The following PCDH11X variants were observed in gnomAD, a reference collection of about 807,000 sequenced individuals.
PCDH11X encodes the protein protocadherin 11 X-linked.
PCDH11X carries 18 observed loss-of-function variants against 53.3 expected under a neutral mutation model. The ratio of observed to expected loss-of-function variants is 0.34; its 90% CI spans 0.23 to 0.50. The LOEUF (loss-of-function observed/expected upper bound fraction) is 0.50. Ranked by LOEUF, PCDH11X falls within the 20% of genes least tolerant of loss-of-function variation. The pLI, the probability that PCDH11X is intolerant of heterozygous loss-of-function variation, is 0.98. For synonymous variants in PCDH11X, 279 were observed against 393.3 expected (o/e 0.71, Z 3.44); for missense variants, 570 against 1,032.4 (o/e 0.55, Z 6.14).
At chrX:91,973,266 T>C (rs1395379360) in intron 6 of PCDH11X, among the ~76,000 whole-genome samples, 1 of 74,440 alleles carries the variant, frequency 1.3e-5, no homozygotes, top group Non-Finnish European at 2.4e-5. Context: ...GGAAGGGGAA[T>C]ATCACACTCT....
chrX:92,465,159 A>G (rs1426692704), intron 9 of PCDH11X, among the ~76,000 whole-genome samples: 6 of 111,589 alleles, frequency 5.4e-5, no homozygotes, highest in Admixed American at 3.8e-4. Flanking sequence ...AAAGAAACAA[A>G]AAAAGCCCAT....
chrX:92,410,005 G>A (rs1291276918), intron 9 of PCDH11X, among the ~76,000 whole-genome samples: 1 of 111,139 alleles, frequency 9.0e-6, no homozygotes, highest in East Asian at 2.8e-4. Context: ...GGCAAAAAAT[G>A]TAAACTAGAA....
At chrX:92,569,006 G>A (rs1473792534) in intron 10 of PCDH11X, among the ~76,000 whole-genome samples, 2 of 111,046 alleles carry the variant, frequency 1.8e-5, no homozygotes, top group Admixed American at 9.6e-5. Flanking sequence ...AACTTTGCTC[G>A]GGAATCTTCA....
At chrX:92,541,530 G>C (rs1429303225) in intron 10 of PCDH11X, among the ~76,000 whole-genome samples, 1 of 111,234 alleles carries the variant, frequency 9.0e-6, no homozygotes, top group African/African-American at 3.3e-5. Context: ...CTTGATTTTT[G>C]GTCCAGTGAT....
chrX:92,109,238 G>T (rs890236746), intron 6 of PCDH11X, among the ~76,000 whole-genome samples: 1 of 110,922 alleles, frequency 9.0e-6, no homozygotes, highest in Non-Finnish European at 1.9e-5. Context: ...GGGCGTGGTG[G>T]CAGGCGCCTG....
intron 1 of PCDH11X, among the ~76,000 whole-genome samples, chrX:91,783,469 T>G (rs1240510763): frequency 2.7e-5 from 3 of 111,961 alleles, no homozygotes; most frequent in Non-Finnish European, 3.8e-5. Context: ...CTCTTGGTAT[T>G]CAAAACTTTA....
intron 10 of PCDH11X, among the ~76,000 whole-genome samples, chrX:92,572,898 A>C: frequency 9.2e-6 from 1 of 108,793 alleles, no homozygotes; most frequent in Non-Finnish European, 1.9e-5. Context: ...ATAAATAAAT[A>C]AATAAATATG....
chrX:92,244,123 C>T (rs1310615135), intron 7 of PCDH11X, among the ~76,000 whole-genome samples: 1 of 109,580 alleles, frequency 9.1e-6, no homozygotes, highest in Non-Finnish European at 1.9e-5. Flanking sequence ...ATCCCATGAG[C>T]CTAAGATAGA....
chrX:92,187,987 A>G (rs1162436467), intron 6 of PCDH11X, among the ~76,000 whole-genome samples: 1 of 111,747 alleles, frequency 8.9e-6, no homozygotes, highest in East Asian at 2.8e-4. Context: ...ACATAAAGTT[A>G]TTGAGAAGAC....
chrX:92,568,866 A>G (rs956076982), intron 10 of PCDH11X, among the ~76,000 whole-genome samples: 24 of 111,205 alleles, frequency 2.2e-4, no homozygotes, highest in African/African-American at 7.5e-4. Flanking sequence ...ATTGTTATCA[A>G]TTTCTAAATT....
chrX:92,468,055 A>G (rs200742761), intron 9 of PCDH11X: 2 of 132,295 alleles, frequency 1.5e-5, no homozygotes, highest in East Asian at 2.8e-4. Context: ...AGCACCAATC[A>G]TTACTTCCCA....
intron 6 of PCDH11X, among the ~76,000 whole-genome samples, chrX:92,021,245 C>A (rs1315575768): frequency 9.0e-6 from 1 of 111,102 alleles, no homozygotes; most frequent in Admixed American, 9.6e-5. Flanking sequence ...CATTTTCTAA[C>A]CCAGTGCAAA....
At chrX:92,255,769 C>G (rs906595228) in intron 7 of PCDH11X, among the ~76,000 whole-genome samples, 1 of 112,533 alleles carries the variant, frequency 8.9e-6, no homozygotes, top group Non-Finnish European at 1.9e-5. Flanking sequence ...CAGGGACCCA[C>G]TTGAGGAGGC....
chrX:92,244,662 C>T (rs2067315740), intron 7 of PCDH11X, among the ~76,000 whole-genome samples: 1 of 111,662 alleles, frequency 9.0e-6, no homozygotes, highest in Admixed American at 9.6e-5. Context: ...GTTTCTTATA[C>T]TCACTATTGT....
chrX:92,418,574 G>A lies in PCDH11X; in HGVS notation c.3343+30641G>A, dbSNP rs755811141. Among the ~76,000 whole-genome samples the A allele has an allele frequency of 9.3e-5, 10 of 107,149 alleles. No individual in the cohort carries two copies. The South Asian group carries it at 2.5e-3, about 27-fold the overall frequency. 93.0% of individuals were successfully genotyped at this position (107,149 alleles called of 115,157 possible). On this transcript the variant is annotated intron_variant, in intron 9 of 10. Coordinates refer to ENST00000682573, the MANE Select transcript of PCDH11X (RefSeq NM_032968.5). ...TTCATATTGTTTTCATTATTTTTCTGTTTTAAATTTTATTGATTTATGTTT... is the reference window on the plus strand; with the variant it reads ...TTCATATTGTTTTCATTATTTTTCTATTTTAAATTTTATTGATTTATGTTT...
chrX:92,599,941 G>A (rs1379977018), intron 10 of PCDH11X, among the ~76,000 whole-genome samples: 1 of 110,740 alleles, frequency 9.0e-6, no homozygotes, highest in Non-Finnish European at 1.9e-5. Context: ...TTTTTCCCCT[G>A]CCCTAGATAT....
intron 6 of PCDH11X, among the ~76,000 whole-genome samples, chrX:92,183,246 A>G (rs2148294450): frequency 1.0e-5 from 1 of 97,868 alleles, no homozygotes; most frequent in East Asian, 3.3e-4. Context: ...ATCTAGAGAA[A>G]CCTTTTTTTT....
At chrX:91,843,081 A>G (rs1190475552) in intron 5 of PCDH11X, among the ~76,000 whole-genome samples, 1 of 107,207 alleles carries the variant, frequency 9.3e-6, no homozygotes, top group South Asian at 4.3e-4. Flanking sequence ...TAATTCCAGT[A>G]ATCTAAATTT....
At chrX:92,172,731 T>G (rs1159963490) in intron 6 of PCDH11X, among the ~76,000 whole-genome samples, 2 of 111,781 alleles carry the variant, frequency 1.8e-5, no homozygotes, top group African/African-American at 6.5e-5. Context: ...GGGTCCTAGA[T>G]AGGCTCCAAG....
Sources: gnomAD v4.1 joint callset for allele counts (sites outside exome capture counted in the v4.1 genomes callset) on GRCh38, gnomAD v4.1.1 for gene constraint, MANE v1.5 for transcripts, NCBI Gene and HGNC (gene_info 2026-07-23, HGNC 2026-07-21) for gene names.